Variants in SMCHD1 observed in about 807,000 individuals in gnomAD.
The protein encoded by SMCHD1 is structural maintenance of chromosomes flexible hinge domain-containing protein 1.
SMCHD1 carries 78 observed loss-of-function variants against 254.7 expected under a neutral mutation model. The ratio of observed to expected loss-of-function variants is 0.31; its 90% CI spans 0.26 to 0.37. The LOEUF is 0.37. Ranked by LOEUF, SMCHD1 falls within the 10% of genes least tolerant of loss-of-function variation. The pLI, the probability that SMCHD1 is intolerant of heterozygous loss-of-function variation, is 1.00. For missense variants in SMCHD1, 1,840 were observed against 2,408.1 expected (o/e 0.76, Z 4.94); for synonymous variants, 766 against 794.9 (o/e 0.96, Z 0.61).
At chr18:2,772,704 CGCT>C (rs1165384836) in intron 41 of SMCHD1, among the ~76,000 whole-genome samples, 1 of 152,168 alleles carries the variant, frequency 6.6e-6, no homozygotes, top group Admixed American at 6.5e-5. Flanking sequence ...GACTGTGGCT[CGCT>C]GCTCCCTCCA....
intron 2 of SMCHD1, 102 bp downstream of exon 2, chr18:2,666,334 A>C (rs1598283338): frequency 1.0e-5 from 6 of 572,702 alleles, no homozygotes; most frequent in Non-Finnish European, 1.8e-5. Flanking sequence ...TCTGTTGATG[A>C]CTTTTGTTAA....
intron 34 of SMCHD1, among the ~76,000 whole-genome samples, chr18:2,754,771 A>AGGATAGC (rs1283514550): frequency 1.3e-4 from 20 of 152,122 alleles, no homozygotes; most frequent in Non-Finnish European, 2.9e-5. Flanking sequence ...AGTGCTTCTA[A>AGGATAGC]GGATAGCACT....
intron 1 of SMCHD1, among the ~76,000 whole-genome samples, chr18:2,657,386 C>G (rs1478077037): frequency 6.6e-6 from 1 of 152,170 alleles, no homozygotes; most frequent in Non-Finnish European, 1.5e-5. Flanking sequence ...AATTCTGTGC[C>G]TGAACGTAGT....
At chr18:2,687,141 A>G (rs1269605519) in intron 5 of SMCHD1, among the ~76,000 whole-genome samples, 1 of 152,182 alleles carries the variant, frequency 6.6e-6, no homozygotes, top group Non-Finnish European at 1.5e-5. Flanking sequence ...TTGTTATTGA[A>G]GGTATTTAAA....
intron 34 of SMCHD1, among the ~76,000 whole-genome samples, chr18:2,757,385 T>G (rs993603093): frequency 1.2e-4 from 18 of 151,978 alleles, no homozygotes; most frequent in African/African-American, 4.1e-4. Flanking sequence ...TAATTTTTTT[T>G]TTTAATTTGG....
chr18:2,778,440 T>C (rs758383894), intron 44 of SMCHD1, among the ~76,000 whole-genome samples: 7 of 152,186 alleles, frequency 4.6e-5, no homozygotes, highest in Non-Finnish European at 8.8e-5. Flanking sequence ...GGCTACGAAA[T>C]TGTCTAAGAC....
intron 44 of SMCHD1, among the ~76,000 whole-genome samples, chr18:2,779,208 C>G (rs1266422912): frequency 6.6e-6 from 1 of 152,156 alleles, no homozygotes; most frequent in Non-Finnish European, 1.5e-5. Context: ...CATATTAGTC[C>G]TCTTTGTAGA....
At chr18:2,688,134 G>A (rs1375833682) in intron 5 of SMCHD1, among the ~76,000 whole-genome samples, 1 of 152,222 alleles carries the variant, frequency 6.6e-6, no homozygotes, top group Non-Finnish European at 1.5e-5. Flanking sequence ...CCTGTTTGCT[G>A]AGAGATTTTC....
intron 17 of SMCHD1, among the ~76,000 whole-genome samples, chr18:2,712,812 A>G (rs775932503): frequency 6.6e-6 from 1 of 152,192 alleles, no homozygotes; most frequent in Non-Finnish European, 1.5e-5. Flanking sequence ...AACTGTGTAT[A>G]TCACTCACCT....
intron 41 of SMCHD1, among the ~76,000 whole-genome samples, chr18:2,774,502 T>C (rs1434693012): frequency 2.6e-5 from 4 of 152,132 alleles, no homozygotes; most frequent in East Asian, 1.9e-4. Context: ...GTCTGGACTT[T>C]CTGAGCTCAG....
intron 5 of SMCHD1, among the ~76,000 whole-genome samples, chr18:2,683,883 C>T (rs2073982951): frequency 6.6e-6 from 1 of 151,904 alleles, no homozygotes; most frequent in Non-Finnish European, 1.5e-5. Context: ...CTTTTTTCAT[C>T]CATTTTCTTT....
intron 47 of SMCHD1, among the ~76,000 whole-genome samples, chr18:2,799,259 T>A (rs1280632997): frequency 6.6e-6 from 1 of 152,060 alleles, no homozygotes; most frequent in Non-Finnish European, 1.5e-5. Flanking sequence ...CTATTTTACA[T>A]TCTTTTTTTT....
At chr18:2,675,262 C>CTTTTT (rs35137947) in intron 5 of SMCHD1, among the ~76,000 whole-genome samples, 2 of 129,668 alleles carry the variant, frequency 1.5e-5, no homozygotes, top group Non-Finnish European at 1.6e-5. Context: ...TGACCTCAGC[C>CTTTTT]TTTTTTTTTT....
intron 17 of SMCHD1, among the ~76,000 whole-genome samples, chr18:2,711,514 G>T (rs1469451430): frequency 8.3e-6 from 1 of 121,152 alleles, no homozygotes; most frequent in Admixed American, 1.0e-4. Context: ...ACGGAGTCTC[G>T]CTCTGTCGCC....
chr18:2,764,626 C>G (rs772790229), intron 37 of SMCHD1, among the ~76,000 whole-genome samples: 9 of 152,160 alleles, frequency 5.9e-5, no homozygotes, highest in Non-Finnish European at 1.0e-4. Flanking sequence ...TGAATACATA[C>G]ATTTTTCTTG....
chr18:2,694,804 T>G (rs1210186410), intron 8 of SMCHD1, 111 bp downstream of exon 8: 1 of 864,772 alleles, frequency 1.2e-6, no homozygotes, highest in Non-Finnish European at 1.8e-6. Flanking sequence ...CTGTCTCATT[T>G]TCTTCCCTTT....
rs2075068031 is a variant in SMCHD1, at chr18:2,728,470, A to G, written c.2787A>G (p.Arg929=). The change falls in exon 23 of 48, where the codon CGA becomes CGG. Residue 929 remains arginine, a synonymous_variant. Coordinates refer to ENST00000320876, the MANE Select transcript of SMCHD1 (RefSeq NM_015295.3). ...KIRLLPGHPR[R]LKVKPDSEIL... The stretch of plus-strand genomic sequence containing the variant: ...ATTTACTGTTAGGTCACCCTCGTCG[A>G]CTGAAAGTGAAACCTGATTCTGAAA... The G allele has an allele frequency of 6.2e-7, 1 of 1,612,754 alleles. No homozygotes were observed. Among genetic ancestry groups the G allele is most frequent in the South Asian group, 1.1e-5 (1 of 90,908 alleles).
intron 37 of SMCHD1, 170 bp downstream of exon 37, chr18:2,763,959 GATCTTT>G: frequency 1.7e-6 from 1 of 582,700 alleles, no homozygotes; most frequent in South Asian, 2.4e-5. Context: ...TTGAACCCAA[GATCTTT>G]ATAAGTAAGA....
At chr18:2,786,325 G>A (rs1329387359) in intron 45 of SMCHD1, among the ~76,000 whole-genome samples, 1 of 152,050 alleles carries the variant, frequency 6.6e-6, no homozygotes, top group African/African-American at 2.4e-5. Context: ...AATACACATA[G>A]AAAAATGTGC....
Sources: allele counts gnomAD v4.1 joint callset (sites outside exome capture counted in the v4.1 genomes callset), GRCh38; gene constraint gnomAD v4.1.1; transcripts MANE v1.5; gene names NCBI Gene and HGNC (gene_info 2026-07-23, HGNC 2026-07-21).